The following UGT1A8 variants were observed in gnomAD, a reference collection of about 807,000 sequenced individuals.
The protein encoded by UGT1A8 is UDP glucuronosyltransferase family 1 member A8.
In UGT1A8, 39 loss-of-function variants were observed where a neutral mutation model predicts 45.3. That is an observed-to-expected ratio of 0.86 (90% CI 0.67 to 1.12). The LOEUF (loss-of-function observed/expected upper bound fraction) is 1.12, where lower values mean the gene tolerates loss of function less well. Among genes scored for constraint, UGT1A8 ranks in the 50% most tolerant of loss-of-function variants. The pLI is 0.00. For missense variants in UGT1A8, 719 were observed against 664.9 expected (o/e 1.08, Z -0.90); for synonymous variants, 275 against 249.2 (o/e 1.10, Z -0.97).
chr2:233,713,229 T>A, intron 1 of UGT1A8: 1 of 1,614,268 alleles, frequency 6.2e-7, no homozygotes, highest in East Asian at 2.2e-5. Context: ...CCTGACAACG[T>A]ATGCCATTTC....
At chr2:233,670,699 C>T (rs1475083556) in intron 1 of UGT1A8, among the ~76,000 whole-genome samples, 1 of 152,126 alleles carries the variant, frequency 6.6e-6, no homozygotes. Context: ...ATATCCCCCA[C>T]CTTTTGTTGC....
At chr2:233,720,118 G>C (rs1261428456) in intron 1 of UGT1A8, among the ~76,000 whole-genome samples, 1 of 152,216 alleles carries the variant, frequency 6.6e-6, no homozygotes, top group African/African-American at 2.4e-5. Flanking sequence ...GAAAGATACA[G>C]AGGTGACCAC....
chr2:233,719,188 C>T (rs771753301), intron 1 of UGT1A8: 23 of 1,614,004 alleles, frequency 1.4e-5, no homozygotes, highest in Admixed American at 1.0e-4. Flanking sequence ...GTATCTTTGG[C>T]CCTTCATAGG....
At chr2:233,706,737 A>G (rs2075921386) in intron 1 of UGT1A8, among the ~76,000 whole-genome samples, 1 of 152,172 alleles carries the variant, frequency 6.6e-6, no homozygotes, top group Non-Finnish European at 1.5e-5. Context: ...GTTGACAGTG[A>G]CTGTGAAGCA....
chr2:233,712,586 G>T (rs1354948731), intron 1 of UGT1A8, among the ~76,000 whole-genome samples: 1 of 152,210 alleles, frequency 6.6e-6, no homozygotes, highest in African/African-American at 2.4e-5. Context: ...ATCCAGCAGA[G>T]ACCATATGGT....
At chr2:233,751,292 A>C (rs1369040584) in intron 1 of UGT1A8, among the ~76,000 whole-genome samples, 1 of 151,886 alleles carries the variant, frequency 6.6e-6, no homozygotes, top group East Asian at 1.9e-4. Flanking sequence ...TCCCATTTGG[A>C]ATGGGAATAT....
At chr2:233,760,806 T>C (rs751197990) in intron 1 of UGT1A8, 3 of 1,613,492 alleles carry the variant, frequency 1.9e-6, no homozygotes, top group Non-Finnish European at 2.5e-6. Context: ...TCTTCTTGCA[T>C]GCACTGCCAT....
intron 1 of UGT1A8, among the ~76,000 whole-genome samples, chr2:233,635,625 C>T (rs1167870672): frequency 6.6e-6 from 1 of 150,642 alleles, no homozygotes; most frequent in Non-Finnish European, 1.5e-5. Flanking sequence ...ATACAAACTA[C>T]GTCAAAGGCA....
At chr2:233,760,224 G>T in intron 1 of UGT1A8, 1 of 1,586,312 alleles carries the variant, frequency 6.3e-7, no homozygotes. Flanking sequence ...TGTATCGATT[G>T]GTTTTTGCCA....
In UGT1A8 at chr2:233,648,065, C is replaced by T. The variant is rs145242971; in HGVS notation, c.855+29503C>T. ...TCACTGAATTGCACAGTGAAGACTT[C>T]TTCAACCTTATACACCCTGGAGGAT... On this transcript the variant is annotated intron_variant, in intron 1 of 4. Coordinates refer to ENST00000373450, the MANE Select transcript of UGT1A8 (RefSeq NM_019076.5). 4.5e-6 allele frequency: 7 copies of T among 1,567,540 alleles called. No individual in the cohort carries two copies. The East Asian group carries it at 1.6e-4, about 35-fold the overall frequency.
rs192713031 is a variant in UGT1A8 at position 233,755,438 on chromosome 2, C to G, written c.856-11596C>G. ...TGTGAGCGCCTCGCATCCCAAGATG[C>G]AGTGCTCCTGGGACTGGCCCTGCTC... On this transcript the variant is annotated intron_variant, in intron 1 of 4. Transcript: ENST00000373450. 453 of 315,884 alleles carry G rather than the reference C, an allele frequency of 1.4e-3. 2 individuals carry two copies. The highest frequency in any genetic ancestry group is 7.9e-3 in the African/African-American group (362 of 46,082). The allele number at this position is 315,884 out of a possible 1,614,324, so 19.6% of individuals were successfully genotyped here.
chr2:233,741,629 C>T (rs1691726139), intron 1 of UGT1A8: 1 of 151,834 alleles, frequency 6.6e-6, no homozygotes, highest in Non-Finnish European at 1.5e-5. Context: ...CCCATGAGCC[C>T]CTGTGGGATG....
intron 1 of UGT1A8, chr2:233,648,435 G>A: frequency 1.9e-5 from 3 of 160,796 alleles, no homozygotes; most frequent in Non-Finnish European, 4.1e-5. Flanking sequence ...CGGATGCTGT[G>A]ACTTTTTATT....
chr2:233,625,826 T>C (rs1444370886), intron 1 of UGT1A8, among the ~76,000 whole-genome samples: 1 of 151,806 alleles, frequency 6.6e-6, no homozygotes, highest in Non-Finnish European at 1.5e-5. Flanking sequence ...GAAAAACTAT[T>C]GGGTAATATG....
intron 1 of UGT1A8, among the ~76,000 whole-genome samples, chr2:233,621,330 TG>T (rs780157348): frequency 1.2e-4 from 18 of 152,196 alleles, no homozygotes; most frequent in African/African-American, 3.6e-4. Context: ...TTTGAATTTT[TG>T]GTGAGTTCCA....
chr2:233,747,244 T>C lies in UGT1A8; in HGVS notation c.856-19790T>C, dbSNP rs911449982. The stretch of plus-strand genomic sequence containing the variant: ...CACAGGACCCCAGGTTCCCCTGCTG[T>C]GGCTGGCCACAGGAGTGCTACTCCT... On this transcript the variant is annotated intron_variant, in intron 1 of 4. Coordinates refer to ENST00000373450, the MANE Select transcript of UGT1A8 (RefSeq NM_019076.5). 6 of 1,602,806 alleles carry C rather than the reference T, an allele frequency of 3.7e-6. No homozygotes were observed. The African/African-American group carries it at 5.4e-5, about 14-fold the overall frequency.
At chr2:233,720,048 C>T (rs12466779) in intron 1 of UGT1A8, among the ~76,000 whole-genome samples, 12,140 of 152,146 alleles carry the variant, frequency 0.08, 618 homozygotes, top group East Asian at 0.2. Context: ...TTCAGCTGAA[C>T]GGTGATGCAA....
chr2:233,719,170 T>G, intron 1 of UGT1A8: 1 of 1,614,246 alleles, frequency 6.2e-7, no homozygotes, highest in Non-Finnish European at 8.5e-7. Flanking sequence ...ATGGCAATTA[T>G]GAACAATGTA....
intron 1 of UGT1A8, chr2:233,719,575 C>T: frequency 6.2e-7 from 1 of 1,613,950 alleles, no homozygotes; most frequent in Non-Finnish European, 8.5e-7. Context: ...GTCAGCTATG[C>T]ATCCGTGTGG....
Sources: allele counts gnomAD v4.1 joint callset (sites outside exome capture counted in the v4.1 genomes callset), GRCh38; gene constraint gnomAD v4.1.1; transcripts MANE v1.5; gene names NCBI Gene and HGNC (gene_info 2026-07-23, HGNC 2026-07-21).